The following PTPRD variants were observed in gnomAD, a reference collection of about 807,000 sequenced individuals.
PTPRD encodes receptor-type tyrosine-protein phosphatase delta.
A neutral mutation model predicts 214.5 loss-of-function variants in PTPRD; 34 were observed. The ratio of observed to expected loss-of-function variants is 0.16; its 90% confidence interval spans 0.12 to 0.21. The LOEUF (loss-of-function observed/expected upper bound fraction) is 0.21, where lower values mean the gene tolerates loss of function less well. Among genes scored for constraint, PTPRD ranks in the 10% least tolerant of loss-of-function variants. The pLI is 1.00. For missense variants in PTPRD, 2,545 were observed against 2,398.7 expected (o/e 1.06, Z -1.27); for synonymous variants, 1,128 against 845.7 (o/e 1.33, Z -5.79).
intron 3 of PTPRD, among the ~76,000 whole-genome samples, chr9:10,214,285 T>C (rs1314438156): frequency 6.6e-6 from 1 of 152,130 alleles, no homozygotes. Flanking sequence ...TGTTTGTTTG[T>C]TTGTTTTTGA....
At chr9:8,619,758 G>C (rs188859056) in intron 14 of PTPRD, among the ~76,000 whole-genome samples, 1 of 151,404 alleles carries the variant, frequency 6.6e-6, no homozygotes, top group African/African-American at 2.4e-5. Context: ...TGGAGTTAAG[G>C]TATCTTTTAC....
chr9:8,470,927 G>A (rs1443902093), intron 31 of PTPRD, 68 bp downstream of exon 31: 2 of 1,407,556 alleles, frequency 1.4e-6, no homozygotes, highest in Non-Finnish European at 2.0e-6. Context: ...AGGCCTCCAA[G>A]GGAGGGGGGC....
At chr9:8,466,972 T>A (rs1394925716) in intron 31 of PTPRD, among the ~76,000 whole-genome samples, 1 of 151,812 alleles carries the variant, frequency 6.6e-6, no homozygotes, top group Non-Finnish European at 1.5e-5. Flanking sequence ...AATTCTTCCA[T>A]TAGGAATTTG....
At chr9:9,554,034 T>C (rs1387899075) in intron 8 of PTPRD, among the ~76,000 whole-genome samples, 1 of 152,042 alleles carries the variant, frequency 6.6e-6, no homozygotes, top group East Asian at 1.9e-4. Context: ...TTGATGCCAT[T>C]TATGAACATT....
intron 5 of PTPRD, among the ~76,000 whole-genome samples, chr9:9,781,795 A>ATT (rs142718064): frequency 0.14 from 20,480 of 147,216 alleles, 2,137 homozygotes; most frequent in African/African-American, 0.28. Context: ...GTCTGGACTC[A>ATT]TATTTTTTTT....
At chr9:10,489,136 G>C (rs1245390921) in intron 2 of PTPRD, among the ~76,000 whole-genome samples, 5 of 152,070 alleles carry the variant, frequency 3.3e-5, no homozygotes, top group Non-Finnish European at 2.9e-5. Flanking sequence ...TATCACTGCT[G>C]ATCACTCGGG....
At chr9:9,018,414 T>TA (rs1298218346) in intron 11 of PTPRD, among the ~76,000 whole-genome samples, 1 of 152,188 alleles carries the variant, frequency 6.6e-6, no homozygotes, top group Non-Finnish European at 1.5e-5. Context: ...CTCTTCCACA[T>TA]AAAAACATAC....
intron 10 of PTPRD, among the ~76,000 whole-genome samples, chr9:9,105,689 A>T (rs2099797511): frequency 6.6e-6 from 1 of 152,200 alleles, no homozygotes; most frequent in Non-Finnish European, 1.5e-5. Flanking sequence ...AGGAGAGTGG[A>T]TTAAACATAC....
chr9:8,944,812 T>G (rs1328329521), intron 11 of PTPRD, among the ~76,000 whole-genome samples: 1 of 147,122 alleles, frequency 6.8e-6, no homozygotes, highest in East Asian at 1.9e-4. Flanking sequence ...TAGATAGAAT[T>G]AATAAGATCT....
intron 9 of PTPRD, among the ~76,000 whole-genome samples, chr9:9,277,040 C>T (rs917950438): frequency 6.6e-6 from 1 of 151,352 alleles, no homozygotes; most frequent in African/African-American, 2.4e-5. Context: ...ACTACTGTAT[C>T]TAGTACATGC....
chr9:10,480,204 A>G (rs541299488), intron 2 of PTPRD, among the ~76,000 whole-genome samples: 1 of 152,192 alleles, frequency 6.6e-6, no homozygotes, highest in Non-Finnish European at 1.5e-5. Flanking sequence ...TTCTCGGCCC[A>G]ACTTGGTTTG....
At chr9:10,389,452 G>A (rs905959421) in intron 2 of PTPRD, among the ~76,000 whole-genome samples, 1 of 151,816 alleles carries the variant, frequency 6.6e-6, no homozygotes, top group Non-Finnish European at 1.5e-5. Flanking sequence ...ACTGGTCAAT[G>A]CCAGCAATCC....
At chr9:9,831,308 T>C (rs571177615) in intron 5 of PTPRD, among the ~76,000 whole-genome samples, 1 of 152,130 alleles carries the variant, frequency 6.6e-6, no homozygotes, top group East Asian at 1.9e-4. Context: ...CTATCTCTTT[T>C]AGCCTCAGGC....
chr9:10,337,772 T>C (rs1232793589), intron 3 of PTPRD, among the ~76,000 whole-genome samples: 1 of 151,704 alleles, frequency 6.6e-6, no homozygotes, highest in Non-Finnish European at 1.5e-5. Flanking sequence ...GTGCGGGAAC[T>C]GAGGCTCAGA....
intron 11 of PTPRD, among the ~76,000 whole-genome samples, chr9:8,815,761 TAA>T (rs2096907366): frequency 6.6e-6 from 1 of 152,144 alleles, no homozygotes; most frequent in African/African-American, 2.4e-5. Context: ...TTAAAGTCAT[TAA>T]GTCTGTTTTG....
chr9:8,364,894 C>T (rs538182776), intron 39 of PTPRD, among the ~76,000 whole-genome samples: 5 of 152,278 alleles, frequency 3.3e-5, no homozygotes, highest in Admixed American at 2.0e-4. Flanking sequence ...CTACTCCAAT[C>T]ATCTTGGTGT....
chr9:9,215,380 G>C (rs2099951507), intron 9 of PTPRD, among the ~76,000 whole-genome samples: 2 of 152,118 alleles, frequency 1.3e-5, no homozygotes, highest in South Asian at 2.1e-4. Flanking sequence ...TCTTCCCTGA[G>C]TTCTGGAGAG....
At chr9:9,877,222 G>T (rs2067146702) in intron 5 of PTPRD, among the ~76,000 whole-genome samples, 1 of 152,182 alleles carries the variant, frequency 6.6e-6, no homozygotes, top group African/African-American at 2.4e-5. Flanking sequence ...AACTGGTAAT[G>T]CAGGTAATTC....
rs1259990808 is a variant in PTPRD, at chr9:9,833,667, C to A, written c.-367-66816G>T. Among the ~76,000 whole-genome samples, 2 of 115,760 alleles carry A rather than the reference C, an allele frequency of 1.7e-5. 1 individual carries two copies. Among genetic ancestry groups the A allele is most frequent in the South Asian group, 5.6e-4 (2 of 3,560 alleles). The allele number at this position is 115,760 out of a possible 152,430, so 75.9% of individuals were successfully genotyped here. A position where few individuals can be genotyped will look rare whatever the true frequency, so the allele number is the denominator to read the frequency against. ...CCTCTGCAGTCTCAACCATAAGAGA[C>A]AGGTACGCTCCGGAGAGGGGGGCAG... On this transcript the variant is annotated intron_variant, in intron 5 of 45. Coordinates refer to ENST00000381196, the MANE Select transcript of PTPRD (RefSeq NM_002839.4).
Sources: allele counts gnomAD v4.1 joint callset (sites outside exome capture counted in the v4.1 genomes callset), GRCh38; gene constraint gnomAD v4.1.1; transcripts MANE v1.5; gene names NCBI Gene and HGNC (gene_info 2026-07-23, HGNC 2026-07-21).